FGF14: variants seen among roughly 807,000 people sequenced by gnomAD.
The protein encoded by FGF14 is fibroblast growth factor homologous factor 4.
FGF14 carries 5 observed loss-of-function variants against 25.5 expected under a neutral mutation model. The ratio of observed to expected loss-of-function variants is 0.20; its 90% CI spans 0.10 to 0.41. FGF14 has a LOEUF of 0.41. Among genes scored for constraint, FGF14 ranks in the 10% least tolerant of loss-of-function variants. FGF14 has a pLI of 1.00. For missense variants in FGF14, 222 were observed against 320.1 expected (o/e 0.69, Z 2.34); for synonymous variants, 138 against 118.3 (o/e 1.17, Z -1.08).
chr13:102,247,779 C>A (rs1283506707), intron 1 of FGF14, among the ~76,000 whole-genome samples: 3 of 152,078 alleles, frequency 2.0e-5, no homozygotes, highest in Admixed American at 6.6e-5. Flanking sequence ...ACCATAATGG[C>A]ACATGCACAC....
At chr13:102,264,572 T>C (rs2052890463) in intron 1 of FGF14, among the ~76,000 whole-genome samples, 1 of 152,102 alleles carries the variant, frequency 6.6e-6, no homozygotes, top group Admixed American at 6.6e-5. Context: ...AATAACACAC[T>C]TCTTGTTGTT....
chr13:102,374,668 A>G (rs1396635984), intron 1 of FGF14, among the ~76,000 whole-genome samples: 15 of 89,134 alleles, frequency 1.7e-4, no homozygotes, highest in Admixed American at 1.5e-3. Context: ...ATATATATAT[A>G]TATATATATA....
At chr13:102,253,036 A>G (rs1055129912) in intron 1 of FGF14, among the ~76,000 whole-genome samples, 1 of 152,190 alleles carries the variant, frequency 6.6e-6, no homozygotes, top group Admixed American at 6.5e-5. Flanking sequence ...TCCATGGTGT[A>G]TATGTGCCAC....
At chr13:102,214,846 G>A (rs2050306109) in intron 1 of FGF14, among the ~76,000 whole-genome samples, 1 of 152,158 alleles carries the variant, frequency 6.6e-6, no homozygotes, top group African/African-American at 2.4e-5. Context: ...AAATTATCCA[G>A]CCCAAAATGT....
chr13:101,921,051 C>T (rs2033965766), upstream of FGF14, among the ~76,000 whole-genome samples: 1 of 137,118 alleles, frequency 7.3e-6, no homozygotes, highest in African/African-American at 3.1e-5. Flanking sequence ...GCCCTATCCT[C>T]ACACTCCTCT....
At chr13:101,753,647 AT>A (rs944469312) in intron 3 of FGF14, among the ~76,000 whole-genome samples, 4 of 152,108 alleles carry the variant, frequency 2.6e-5, no homozygotes, top group African/African-American at 9.7e-5. Context: ...TCTACTAAAA[AT>A]AAAAATCAGC....
intron 3 of FGF14, among the ~76,000 whole-genome samples, chr13:101,857,616 C>A (rs566097535): frequency 1.3e-5 from 2 of 151,974 alleles, no homozygotes; most frequent in Non-Finnish European, 2.9e-5. Context: ...ATATGTCTTT[C>A]CATAATGTAG....
chr13:101,869,452 A>G (rs1441447551), intron 2 of FGF14, among the ~76,000 whole-genome samples: 2 of 152,198 alleles, frequency 1.3e-5, no homozygotes, highest in African/African-American at 4.8e-5. Context: ...ATAAAATGTT[A>G]AAAGCATTTT....
rs567755445 is a variant in FGF14 at position 102,135,737 on chromosome 13, C to G, written c.209-260441G>C. Among the ~76,000 whole-genome samples, 76 of 152,324 alleles carry G rather than the reference C, an allele frequency of 5.0e-4. No individual in the cohort carries two copies. The Middle Eastern group carries it at 0.02, about 41-fold the overall frequency. On this transcript the variant is annotated intron_variant, in intron 1 of 4. Transcript: ENST00000376131. ...GTGGCACCACCTCAGCTTACTGCAACCTCTGCCTCCCAGATTCAAGTGATT... is the reference window on the plus strand; with the variant it reads ...GTGGCACCACCTCAGCTTACTGCAAGCTCTGCCTCCCAGATTCAAGTGATT...
chr13:102,168,329 C>T (rs74109509), intron 1 of FGF14, among the ~76,000 whole-genome samples: 3,773 of 152,144 alleles, frequency 0.025, 137 homozygotes, highest in African/African-American at 0.086. Flanking sequence ...AGGCACACAC[C>T]ACCATCCCTG....
At chr13:102,305,377 T>C (rs1049456038) in intron 1 of FGF14, among the ~76,000 whole-genome samples, 4 of 152,176 alleles carry the variant, frequency 2.6e-5, no homozygotes, top group African/African-American at 9.6e-5. Flanking sequence ...CTGCTGTTAA[T>C]GCAGTAGCCC....
intron 1 of FGF14, among the ~76,000 whole-genome samples, chr13:102,223,671 T>C (rs4772453): frequency 0.82 from 124,820 of 152,070 alleles, 51,855 homozygotes; most frequent in African/African-American, 0.95. Flanking sequence ...CTATATTTTC[T>C]ATCTACTGTC....
intron 3 of FGF14, among the ~76,000 whole-genome samples, chr13:101,849,271 G>A (rs2043623620): frequency 6.6e-6 from 1 of 151,892 alleles, no homozygotes; most frequent in Non-Finnish European, 1.5e-5. Flanking sequence ...GGACTGGAAG[G>A]GACACAAAAT....
intron 1 of FGF14, among the ~76,000 whole-genome samples, chr13:102,081,710 T>C (rs1389136131): frequency 6.6e-6 from 1 of 152,260 alleles, no homozygotes; most frequent in East Asian, 1.9e-4. Context: ...TACATTACTA[T>C]GACATGTGTT....
chr13:101,778,361 C>CCATCATGGTT lies in FGF14; in HGVS notation c.409-51561_409-51552dup, dbSNP rs559525493. Among the ~76,000 whole-genome samples, 310 of 152,280 alleles carry CCATCATGGTT rather than the reference C, an allele frequency of 2.0e-3. 2 individuals are homozygous for CCATCATGGTT. Among genetic ancestry groups the CCATCATGGTT allele is most frequent in the African/African-American group, 7.2e-3 (299 of 41,570 alleles). On this transcript the variant is annotated intron_variant, in intron 3 of 4. Coordinates refer to ENST00000376143, the MANE Select transcript of FGF14 (RefSeq NM_004115.4). The stretch of plus-strand genomic sequence containing the variant: ...CCATGTGAATGTTGCAACACCACTT[C>CCATCATGGTT]CATCATGGTTCATCATGGTTCTCCT...
chr13:102,125,172 C>T (rs549163688), intron 1 of FGF14, among the ~76,000 whole-genome samples: 1 of 152,196 alleles, frequency 6.6e-6, no homozygotes, highest in African/African-American at 2.4e-5. Flanking sequence ...ATCAACTTTT[C>T]CCATATTGCA....
intron 3 of FGF14, among the ~76,000 whole-genome samples, chr13:101,791,199 T>C (rs1486069628): frequency 6.6e-6 from 1 of 152,178 alleles, no homozygotes. Flanking sequence ...ACTCTGCGGA[T>C]GGCACTTCCT....
intron 1 of FGF14, among the ~76,000 whole-genome samples, chr13:102,266,305 G>A (rs1039270833): frequency 1.3e-5 from 2 of 152,102 alleles, no homozygotes; most frequent in Admixed American, 6.6e-5. Context: ...GCCAAAGATG[G>A]AGTTAGATGG....
At chr13:101,874,166 G>A (rs2045268076) in intron 2 of FGF14, among the ~76,000 whole-genome samples, 1 of 151,806 alleles carries the variant, frequency 6.6e-6, no homozygotes, top group South Asian at 2.1e-4. Context: ...TTGATCACTG[G>A]AATTTAAAAA....
Sources: gnomAD v4.1 joint callset for allele counts (sites outside exome capture counted in the v4.1 genomes callset) on GRCh38, gnomAD v4.1.1 for gene constraint, MANE v1.5 for transcripts, NCBI Gene and HGNC (gene_info 2026-07-23, HGNC 2026-07-21) for gene names.